EPHX4: variants seen among roughly 807,000 people sequenced by gnomAD.
EPHX4 encodes the protein abhydrolase domain containing 7.
Under a neutral mutation model 44.9 loss-of-function variants are expected in EPHX4, and 31 were observed. That is an observed-to-expected ratio of 0.69 (90% CI 0.52 to 0.93). The LOEUF is 0.93. EPHX4 is among the 40% of genes least tolerant of loss of function. The pLI is 0.00. For synonymous variants in EPHX4, 151 were observed against 159.7 expected (o/e 0.95, Z 0.41); for missense variants, 373 against 438.1 (o/e 0.85, Z 1.33).
At chr1:92,043,163 A>G (rs1688534448) in intron 3 of EPHX4, 183 bp downstream of exon 3, 1 of 500,114 alleles carries the variant, frequency 2.0e-6, no homozygotes, top group Admixed American at 3.6e-5. Context: ...TGATGCATCT[A>G]GAGCAACTAT....
intron 2 of EPHX4, among the ~76,000 whole-genome samples, chr1:92,033,011 G>A (rs916405677): frequency 6.6e-6 from 1 of 152,044 alleles, no homozygotes; most frequent in Non-Finnish European, 1.5e-5. Context: ...TTGAACTTCT[G>A]GGTTTAAGCA....
Position 92,063,308 on chromosome 1 carries a change from G to T in EPHX4, c.*22G>T, listed in dbSNP as rs1466675436. 6.0e-6 allele frequency: 9 copies of T among 1,496,316 alleles called. No homozygotes were observed. In the East Asian group the frequency reaches 2.1e-4, roughly 34 times the overall value. The allele number at this position is 1,496,316 out of a possible 1,614,324, so 92.7% of individuals were successfully genotyped here. ...TTGACTTTTCTTTATCTTCTATGAA[G>T]GGTCTGTAATGAAATCTCTAAATAA... is the stretch of plus-strand genomic sequence containing the variant. On this transcript the variant is annotated 3_prime_UTR_variant, in exon 7 of 7. Transcript: ENST00000370383.
intron 3 of EPHX4, 138 bp downstream of exon 3, chr1:92,043,118 A>T (rs1688533786): frequency 1.5e-6 from 1 of 647,608 alleles, no homozygotes; most frequent in African/African-American, 1.8e-5. Context: ...GGTTTCAGTT[A>T]GTCAGCCCAA....
At chr1:92,058,707 A>C (rs571603126) in intron 6 of EPHX4, among the ~76,000 whole-genome samples, 199 of 152,200 alleles carry the variant, frequency 1.3e-3, no homozygotes, top group Admixed American at 9.9e-3. Flanking sequence ...TAAAACATCA[A>C]GGGTGTTTTG....
intron 6 of EPHX4, among the ~76,000 whole-genome samples, chr1:92,056,645 C>CTT (rs769254066): frequency 5.1e-5 from 7 of 138,080 alleles, no homozygotes; most frequent in African/African-American, 7.9e-5. Flanking sequence ...ACATTCTTTT[C>CTT]TTTTTTTTTT....
intron 5 of EPHX4, 28 bp downstream of exon 5, chr1:92,050,448 GTAT>G (rs747226029): frequency 1.5e-4 from 167 of 1,140,002 alleles, no homozygotes; most frequent in Middle Eastern, 4.2e-4. Context: ...AACAAATAAT[GTAT>G]TATTATTATT....
At chr1:92,030,907 G>A (rs1217003527) in intron 1 of EPHX4, among the ~76,000 whole-genome samples, 1 of 152,130 alleles carries the variant, frequency 6.6e-6, no homozygotes, top group Non-Finnish European at 1.5e-5. Context: ...GAAAGGAATG[G>A]AATAAAAGGT....
At chr1:92,035,342 C>T (rs1227075615) in intron 2 of EPHX4, among the ~76,000 whole-genome samples, 1 of 152,190 alleles carries the variant, frequency 6.6e-6, no homozygotes, top group Non-Finnish European at 1.5e-5. Flanking sequence ...CCTAACATAG[C>T]ATGGGCAGTA....
chr1:92,030,555 C>T (rs908974287), intron 1 of EPHX4, among the ~76,000 whole-genome samples: 2 of 151,352 alleles, frequency 1.3e-5, no homozygotes, highest in Non-Finnish European at 2.9e-5. Flanking sequence ...TGATTGGTTT[C>T]TGAATGTGGA....
chr1:92,039,945 C>A (rs778401453), intron 2 of EPHX4, among the ~76,000 whole-genome samples: 1 of 152,156 alleles, frequency 6.6e-6, no homozygotes, highest in South Asian at 2.1e-4. Flanking sequence ...TGAGCCACTG[C>A]GCCCAGCCAG....
chr1:92,057,942 C>CCACA (rs1185287816), intron 6 of EPHX4, among the ~76,000 whole-genome samples: 5 of 152,074 alleles, frequency 3.3e-5, no homozygotes, highest in Non-Finnish European at 5.9e-5. Context: ...CTGTTAAATA[C>CCACA]TCTTTCAGAT....
chr1:92,052,472 C>CA (rs530151925), intron 5 of EPHX4, 38 bp from the exon 6 acceptor site: 1 of 1,543,622 alleles, frequency 6.5e-7, no homozygotes, highest in Admixed American at 2.1e-5. Context: ...TATTAGATAA[C>CA]AAAAAAGTTT....
Position 92,050,338 on chromosome 1 carries a change from C to A in EPHX4, c.626C>A (p.Ala209Asp). The change falls in exon 5 of 7, where the codon GCT (alanine) becomes GAT (aspartate). Residue 209 changes from alanine (A) to aspartate (D), a missense_variant. Ala to Asp is a moderately radical substitution (Grantham distance 126, BLOSUM62 -2). Coordinates refer to ENST00000370383, the MANE Select transcript of EPHX4 (RefSeq NM_173567.5). ...TCAGAATATATTTTACGACACCCTGCTCAGCTGTTGAAATCCAGTTATTAT... is the reference window on the plus strand; with the variant it reads ...TCAGAATATATTTTACGACACCCTGATCAGCTGTTGAAATCCAGTTATTAT... Reference protein sequence around the residue: ...VFTEYILRHPAQLLKSSYYYF... With the variant: ...VFTEYILRHPDQLLKSSYYYF... The A allele has an allele frequency of 6.2e-7, 1 of 1,605,090 alleles. No homozygotes were observed. Among genetic ancestry groups the A allele is most frequent in the South Asian group, 1.1e-5 (1 of 89,602 alleles).
intron 3 of EPHX4, 130 bp from the exon 4 acceptor site, chr1:92,045,402 C>T (rs1688569639): frequency 1.7e-6 from 2 of 1,144,368 alleles, no homozygotes; most frequent in Middle Eastern, 2.1e-4. Flanking sequence ...AATTCAATAT[C>T]TGCACAAAGT....
At chr1:92,045,758 A>C in intron 4 of EPHX4, 98 bp downstream of exon 4, 1 of 1,348,950 alleles carries the variant, frequency 7.4e-7, no homozygotes, top group Non-Finnish European at 1.0e-6. Flanking sequence ...GGTTACTATC[A>C]TATTTTAAAA....
At chr1:92,061,202 T>A (rs968502360) in intron 6 of EPHX4, among the ~76,000 whole-genome samples, 13 of 152,114 alleles carry the variant, frequency 8.5e-5, no homozygotes, top group Non-Finnish European at 1.6e-4. Context: ...ACCCATCAGT[T>A]AGTAAGTATA....
chr1:92,039,249 T>C (rs1688479593), intron 2 of EPHX4, among the ~76,000 whole-genome samples: 2 of 152,156 alleles, frequency 1.3e-5, no homozygotes, highest in South Asian at 4.1e-4. Flanking sequence ...TGACATGAGT[T>C]TGTGTCTTTG....
chr1:92,059,308 G>A (rs1647439276), intron 6 of EPHX4, among the ~76,000 whole-genome samples: 1 of 151,976 alleles, frequency 6.6e-6, no homozygotes, highest in African/African-American at 2.4e-5. Context: ...GTGGTGATGG[G>A]CGCCTGTAAT....
In EPHX4 at chr1:92,044,827, C is replaced by A. The variant is rs74101101; in HGVS notation, c.476-705C>A. On this transcript the variant is annotated intron_variant, in intron 3 of 6. Transcript: ENST00000370383. ...AAATTTCTGAGCATTCAAAAAAAAA[C>A]CAAATAATCTTACTTTTGACTTCAT... is the stretch of plus-strand genomic sequence containing the variant. Among the ~76,000 whole-genome samples, 780 of 152,116 alleles carry A rather than the reference C, an allele frequency of 5.1e-3. 10 individuals are homozygous for A. The highest frequency in any genetic ancestry group is 0.018 in the African/African-American group (738 of 41,516).
Sources: gnomAD v4.1 joint callset for allele counts (sites outside exome capture counted in the v4.1 genomes callset) on GRCh38, gnomAD v4.1.1 for gene constraint, MANE v1.5 for transcripts, NCBI Gene and HGNC (gene_info 2026-07-23, HGNC 2026-07-21) for gene names.